GRIN2A: variants seen among roughly 807,000 people sequenced by gnomAD.
The protein encoded by GRIN2A is glutamate ionotropic receptor NMDA type subunit 2A.
Under a neutral mutation model 113.4 loss-of-function variants are expected in GRIN2A, and 22 were observed. The observed-to-expected ratio is 0.19, with a 90% CI of 0.14 to 0.28. The LOEUF is 0.28. Ranked by LOEUF, GRIN2A falls within the 10% of genes least tolerant of loss-of-function variation. The pLI is 1.00. For synonymous variants in GRIN2A, 827 were observed against 738.4 expected, an observed-to-expected ratio of 1.12 and a Z score of -1.94; for missense variants, 1,502 against 1,887.0, an observed-to-expected ratio of 0.80 and a Z score of 3.78.
At chr16:10,052,655 G>T (rs1567264376) in intron 2 of GRIN2A, among the ~76,000 whole-genome samples, 1 of 152,190 alleles carries the variant, frequency 6.6e-6, no homozygotes, top group South Asian at 2.1e-4. Context: ...TGGATATAAA[G>T]AAAAGATCTG....
chr16:9,937,447 G>A (rs1430193778), intron 3 of GRIN2A, among the ~76,000 whole-genome samples: 2 of 152,134 alleles, frequency 1.3e-5, no homozygotes, highest in African/African-American at 4.8e-5. Context: ...CTGCACGCCT[G>A]TGTCAAAACA....
intron 2 of GRIN2A, among the ~76,000 whole-genome samples, chr16:10,048,415 A>T (rs1264017998): frequency 2.0e-5 from 3 of 152,190 alleles, no homozygotes; most frequent in African/African-American, 7.2e-5. Flanking sequence ...ATTATTTAAG[A>T]ATCTAATTTT....
chr16:9,867,927 A>G (rs1441770164), intron 4 of GRIN2A, among the ~76,000 whole-genome samples: 1 of 152,048 alleles, frequency 6.6e-6, no homozygotes, highest in African/African-American at 2.4e-5. Context: ...CCTCCGAGAA[A>G]CCTCAAACTC....
intron 2 of GRIN2A, among the ~76,000 whole-genome samples, chr16:10,126,073 C>T (rs1339293547): frequency 1.3e-5 from 2 of 152,100 alleles, no homozygotes; most frequent in Admixed American, 6.5e-5. Flanking sequence ...GTTTTGCTTA[C>T]TGAATTTTCA....
intron 4 of GRIN2A, among the ~76,000 whole-genome samples, chr16:9,859,609 T>TACACACACACAC (rs55697606): frequency 7.1e-5 from 10 of 141,140 alleles, no homozygotes; most frequent in Non-Finnish European, 1.3e-4. Flanking sequence ...CTCGAACCTC[T>TACACACACACAC]ACACACACAC....
At chr16:9,890,747 G>A (rs1287737915) in intron 4 of GRIN2A, among the ~76,000 whole-genome samples, 2 of 152,130 alleles carry the variant, frequency 1.3e-5, no homozygotes, top group African/African-American at 2.4e-5. Flanking sequence ...CTTTCCTACT[G>A]GGATTTGAGA....
intron 4 of GRIN2A, among the ~76,000 whole-genome samples, chr16:9,863,940 G>A (rs2043116461): frequency 6.6e-6 from 1 of 152,182 alleles, no homozygotes; most frequent in South Asian, 2.1e-4. Flanking sequence ...AGATGTGAAG[G>A]TAACTAGGAC....
At chr16:10,031,211 C>G (rs1303797128) in intron 2 of GRIN2A, 1 of 152,202 alleles carries the variant, frequency 6.6e-6, no homozygotes, top group Non-Finnish European at 1.5e-5. Context: ...TAATCCTTCT[C>G]TGCAGCCACA....
At chr16:9,790,561 A>G (rs1902546172) in intron 11 of GRIN2A, among the ~76,000 whole-genome samples, 1 of 152,232 alleles carries the variant, frequency 6.6e-6, no homozygotes, top group African/African-American at 2.4e-5. Flanking sequence ...AGCATAATAC[A>G]GGGATATTTG....
intron 2 of GRIN2A, among the ~76,000 whole-genome samples, chr16:10,165,593 T>C (rs1174560382): frequency 1.4e-5 from 2 of 146,142 alleles, no homozygotes; most frequent in Non-Finnish European, 3.0e-5. Flanking sequence ...TTTAAAATGA[T>C]CCAGCAGTGG....
chr16:9,870,104 T>C (rs1309543021), intron 4 of GRIN2A, among the ~76,000 whole-genome samples: 1 of 152,190 alleles, frequency 6.6e-6, no homozygotes, highest in East Asian at 1.9e-4. Context: ...AAAAATATCA[T>C]CTGTTAATAT....
chr16:9,811,376 TAAAATGGAG>T, intron 10 of GRIN2A, among the ~76,000 whole-genome samples: 1 of 152,242 alleles, frequency 6.6e-6, no homozygotes. Context: ...TCCTCCTCTA[TAAAATGGAG>T]AAAATGATTA....
Position 9,885,346 on chromosome 16 carries a change from G to A in GRIN2A, c.1122+5640C>T, listed in dbSNP as rs146050547. ...TAGGGTTTTGTTTTTGAGCATCTCT[G>A]GGAAGCCTTGGACTCATCAAACTCT... On this transcript the variant is annotated intron_variant, in intron 4 of 12. Coordinates refer to ENST00000330684, the MANE Select transcript of GRIN2A (RefSeq NM_001134407.3). Among the ~76,000 whole-genome samples, 1,310 of 152,228 alleles carry A rather than the reference G, an allele frequency of 8.6e-3. 13 individuals carry two copies. Among genetic ancestry groups the A allele is most frequent in the African/African-American group, 0.025 (1,059 of 41,532 alleles).
At chr16:10,075,427 C>A (rs887072353) in intron 2 of GRIN2A, among the ~76,000 whole-genome samples, 1 of 151,818 alleles carries the variant, frequency 6.6e-6, no homozygotes. Context: ...ATAGTAGTTA[C>A]CAGGGACCAA....
In GRIN2A at chr16:9,929,748, C is replaced by G. The variant is rs1438152891; in HGVS notation, c.1007+8211G>C. Among the ~76,000 whole-genome samples, 4 of 152,150 alleles carry G rather than the reference C, an allele frequency of 2.6e-5. No individual in the cohort carries two copies. In the South Asian group the frequency reaches 6.2e-4, roughly 24 times the overall value. ...AAATTACTAAATTTCAAAATGAAAA[C>G]TTCTCTAGTATTCATCCCTGGAGGA... On this transcript the variant is annotated intron_variant, in intron 3 of 12. Coordinates refer to ENST00000330684, the MANE Select transcript of GRIN2A (RefSeq NM_001134407.3).
At chr16:9,822,190 G>A in intron 10 of GRIN2A, 74 bp downstream of exon 10, 3 of 1,428,334 alleles carry the variant, frequency 2.1e-6, no homozygotes, top group African/African-American at 1.4e-5. Flanking sequence ...TAGGAACTGA[G>A]GCATGCCGAG....
chr16:9,813,447 G>C (rs2042125167), intron 10 of GRIN2A, among the ~76,000 whole-genome samples: 1 of 151,510 alleles, frequency 6.6e-6, no homozygotes, highest in Admixed American at 6.6e-5. Flanking sequence ...AAGATGTAAA[G>C]TCCATCATCC....
intron 2 of GRIN2A, among the ~76,000 whole-genome samples, chr16:9,993,208 C>T (rs866950759): frequency 6.6e-6 from 1 of 151,452 alleles, no homozygotes; most frequent in Non-Finnish European, 1.5e-5. Context: ...ACTCCAGCCT[C>T]GGCTACACAG....
At chr16:10,165,848 T>C (rs752096683) in intron 2 of GRIN2A, among the ~76,000 whole-genome samples, 1 of 151,584 alleles carries the variant, frequency 6.6e-6, no homozygotes, top group Non-Finnish European at 1.5e-5. Context: ...GAAAAACTAG[T>C]ATCAATTAAC....
Sources: gnomAD v4.1 joint callset for allele counts (sites outside exome capture counted in the v4.1 genomes callset) on GRCh38, gnomAD v4.1.1 for gene constraint, MANE v1.5 for transcripts, NCBI Gene and HGNC (gene_info 2026-07-23, HGNC 2026-07-21) for gene names.